Variants in CNTNAP2 observed in about 807,000 individuals in gnomAD.
CNTNAP2 encodes contactin-associated protein-like 2.
A neutral mutation model predicts 155.2 loss-of-function variants in CNTNAP2; 98 were observed. That is an observed-to-expected ratio of 0.63 (90% confidence interval 0.54 to 0.75). The LOEUF is 0.75. Among genes scored for constraint, CNTNAP2 ranks in the 30% least tolerant of loss-of-function variants. The pLI is 0.00. For missense variants in CNTNAP2, 1,727 were observed against 1,688.1 expected (o/e 1.02, Z -0.40); for synonymous variants, 651 against 631.2 (o/e 1.03, Z -0.47).
At position 146,121,119 on chromosome 7, in the gene CNTNAP2, C is replaced by CTTTTTTTTTTT. The variant is rs745449281; in HGVS notation, c.97+4163_97+4173dup. 2.6e-3 allele frequency among the ~76,000 whole-genome samples: 173 copies of CTTTTTTTTTTT among 65,790 alleles called. 12 individuals are homozygous for CTTTTTTTTTTT. The highest frequency in any genetic ancestry group is 4.0e-3 in the Non-Finnish European group (138 of 34,818). 43.2% of individuals were successfully genotyped at this position (65,790 alleles called of 152,430 possible). A position where few individuals can be genotyped will look rare whatever the true frequency, so the allele number is the denominator to read the frequency against. ...TGTCTTAAAGTTTACATAAAGCTTCCTTTTTTTTTTTTTTTTTTTTTTTTT... is the reference window on the plus strand; with the variant it reads ...TGTCTTAAAGTTTACATAAAGCTTCCTTTTTTTTTTTTTTTTTTTTTTTTTTTTTTTTTTTT... On this transcript the variant is annotated intron_variant, in intron 1 of 23. Coordinates refer to ENST00000361727, the MANE Select transcript of CNTNAP2 (RefSeq NM_014141.6).
intron 10 of CNTNAP2, among the ~76,000 whole-genome samples, chr7:147,438,662 T>C (rs1035394422): frequency 1.3e-5 from 2 of 152,106 alleles, no homozygotes; most frequent in Non-Finnish European, 2.9e-5. Flanking sequence ...TGAGTAGGAC[T>C]GCTACTAGTT....
At chr7:147,414,568 G>C (rs555239192) in intron 10 of CNTNAP2, among the ~76,000 whole-genome samples, 97 of 151,544 alleles carry the variant, frequency 6.4e-4, no homozygotes, top group South Asian at 1.5e-3. Context: ...CTCTTTCATT[G>C]CAAGGAACTG....
chr7:147,013,595 T>G (rs950279260), intron 3 of CNTNAP2, among the ~76,000 whole-genome samples: 5 of 152,088 alleles, frequency 3.3e-5, no homozygotes, highest in Admixed American at 2.0e-4. Context: ...GATCTAGTTC[T>G]CTTTCTGCCT....
At position 148,314,924 on chromosome 7, in the gene CNTNAP2, G is replaced by A. The variant is rs367914701; in HGVS notation, c.3475+47798G>A. ...TCCACAGATAAAACGTGTCTCCTTC[G>A]TCTCTACCAGAAAAGGAAAGGAACT... is the stretch of plus-strand genomic sequence containing the variant. On this transcript the variant is annotated intron_variant, in intron 21 of 23. Coordinates refer to ENST00000361727, the MANE Select transcript of CNTNAP2 (RefSeq NM_014141.6). Among the ~76,000 whole-genome samples, 377 of 152,242 alleles carry A rather than the reference G, an allele frequency of 2.5e-3. 1 individual carries two copies. Among genetic ancestry groups the A allele is most frequent in the African/African-American group, 8.6e-3 (359 of 41,536 alleles).
chr7:147,560,337 C>A (rs186983843), intron 11 of CNTNAP2, among the ~76,000 whole-genome samples: 29 of 152,254 alleles, frequency 1.9e-4, no homozygotes, highest in Admixed American at 1.6e-3. Context: ...TGCATTGCTG[C>A]ACAGAGTTTT....
At chr7:147,862,532 C>A (rs1483407205) in intron 13 of CNTNAP2, among the ~76,000 whole-genome samples, 1 of 152,116 alleles carries the variant, frequency 6.6e-6, no homozygotes, top group Non-Finnish European at 1.5e-5. Flanking sequence ...AATAGGAGAA[C>A]TTCCTAGGGT....
chr7:146,621,745 CT>C (rs1027414773), intron 1 of CNTNAP2, among the ~76,000 whole-genome samples: 1 of 152,160 alleles, frequency 6.6e-6, no homozygotes, highest in Non-Finnish European at 1.5e-5. Context: ...GTTTTCTCTA[CT>C]GCAGTGCAGA....
intron 19 of CNTNAP2, among the ~76,000 whole-genome samples, chr7:148,221,227 G>C (rs1795743444): frequency 6.6e-6 from 1 of 152,184 alleles, no homozygotes; most frequent in South Asian, 2.1e-4. Flanking sequence ...TGTGCCCAAA[G>C]CCATCCTGAA....
At chr7:148,146,212 G>A (rs575170357) in intron 16 of CNTNAP2, among the ~76,000 whole-genome samples, 5 of 152,204 alleles carry the variant, frequency 3.3e-5, no homozygotes, top group African/African-American at 1.2e-4. Context: ...AGATTAGGTG[G>A]AAAGCTTATT....
intron 11 of CNTNAP2, among the ~76,000 whole-genome samples, chr7:147,517,341 T>C (rs1427060458): frequency 6.6e-6 from 1 of 152,188 alleles, no homozygotes. Context: ...ACTCCTACTC[T>C]TAAATCTTCA....
At chr7:146,373,175 C>T (rs759323273) in intron 1 of CNTNAP2, among the ~76,000 whole-genome samples, 53 of 152,168 alleles carry the variant, frequency 3.5e-4, no homozygotes, top group Non-Finnish European at 3.5e-4. Flanking sequence ...TAACTGCAGA[C>T]ATTTGGGGAT....
At chr7:146,802,806 T>C (rs1563237221) in intron 2 of CNTNAP2, among the ~76,000 whole-genome samples, 1 of 152,144 alleles carries the variant, frequency 6.6e-6, no homozygotes, top group Non-Finnish European at 1.5e-5. Context: ...ATAAATAGGC[T>C]CTTCAGAATA....
At chr7:148,094,530 G>A (rs944395457) in intron 15 of CNTNAP2, among the ~76,000 whole-genome samples, 1 of 152,202 alleles carries the variant, frequency 6.6e-6, no homozygotes, top group Non-Finnish European at 1.5e-5. Context: ...GCTCTGCGGA[G>A]GATGATCTGG....
chr7:146,209,314 T>C (rs1409491712), intron 1 of CNTNAP2, among the ~76,000 whole-genome samples: 2 of 152,190 alleles, frequency 1.3e-5, no homozygotes, highest in African/African-American at 2.4e-5. Flanking sequence ...GGGTCTCTTA[T>C]GGGCACTGCA....
intron 14 of CNTNAP2, among the ~76,000 whole-genome samples, chr7:147,913,754 G>A (rs1260586348): frequency 6.6e-6 from 1 of 152,116 alleles, no homozygotes. Context: ...CTGTGCCTCA[G>A]TTTTCTCTTA....
intron 1 of CNTNAP2, among the ~76,000 whole-genome samples, chr7:146,515,708 C>T (rs1338129516): frequency 1.3e-5 from 2 of 151,874 alleles, no homozygotes; most frequent in African/African-American, 4.8e-5. Flanking sequence ...ATACCTTGAC[C>T]CCAATGGGAA....
At chr7:146,500,896 C>T (rs1188239299) in intron 1 of CNTNAP2, among the ~76,000 whole-genome samples, 3 of 152,018 alleles carry the variant, frequency 2.0e-5, no homozygotes, top group African/African-American at 7.2e-5. Flanking sequence ...CAATTTGCCT[C>T]TATTCTTAGT....
chr7:147,728,978 A>T (rs1173989359), intron 13 of CNTNAP2, among the ~76,000 whole-genome samples: 2 of 149,604 alleles, frequency 1.3e-5, no homozygotes, highest in East Asian at 3.9e-4. Flanking sequence ...TGAAAGGAAA[A>T]TTATATGTAT....
At chr7:146,882,856 A>C (rs1007285310) in intron 3 of CNTNAP2, among the ~76,000 whole-genome samples, 1 of 152,196 alleles carries the variant, frequency 6.6e-6, no homozygotes, top group East Asian at 1.9e-4. Context: ...TAGGAATACA[A>C]CTAAGCAAAG....
Sources: gnomAD v4.1 joint callset for allele counts (sites outside exome capture counted in the v4.1 genomes callset) on GRCh38, gnomAD v4.1.1 for gene constraint, MANE v1.5 for transcripts, NCBI Gene and HGNC (gene_info 2026-07-23, HGNC 2026-07-21) for gene names.